Variants in WWOX observed in about 807,000 individuals in gnomAD.
WWOX encodes the protein WW domain-containing oxidoreductase.
WWOX carries 69 observed loss-of-function variants against 46.2 expected under a neutral mutation model. The observed-to-expected ratio is 1.49, with a 90% CI of 1.23 to 1.82. The LOEUF (loss-of-function observed/expected upper bound fraction) is 1.82, where lower values mean the gene tolerates loss of function less well. Ranked by LOEUF, WWOX falls within the 40% of genes most tolerant of loss-of-function variation. The pLI, the probability that WWOX is intolerant of heterozygous loss-of-function variation, is 0.00. For synonymous variants in WWOX, 359 were observed against 202.6 expected (o/e 1.77, Z -6.56); for missense variants, 919 against 542.6 (o/e 1.69, Z -6.89).
At position 78,556,711 on chromosome 16, in the gene WWOX, T is replaced by C. The variant is rs933644291; in HGVS notation, c.1056+123959T>C. On this transcript the variant is annotated intron_variant, in intron 8 of 8. Transcript: ENST00000566780. ...CCCTGAGACCGGCAAACACATTTTT[T>C]ATTTATTTTATTTTTATTTTTCGAG... 2.0e-5 allele frequency among the ~76,000 whole-genome samples: 3 copies of C among 152,088 alleles called. 1 individual carries two copies. The highest frequency in any genetic ancestry group is 6.3e-3 in the Middle Eastern group (2 of 316).
chr16:78,557,350 G>A (rs768040738), intron 8 of WWOX, among the ~76,000 whole-genome samples: 4 of 151,970 alleles, frequency 2.6e-5, no homozygotes, highest in Non-Finnish European at 4.4e-5. Flanking sequence ...TTATTTCTCC[G>A]CCCCCCGCAC....
chr16:78,602,978 G>A (rs1363459073), intron 8 of WWOX, among the ~76,000 whole-genome samples: 4 of 152,156 alleles, frequency 2.6e-5, no homozygotes, highest in East Asian at 1.9e-4. Flanking sequence ...ACCATTCTGC[G>A]TTCTTAGATT....
At chr16:78,401,493 G>A (rs1011647197) in intron 6 of WWOX, among the ~76,000 whole-genome samples, 2 of 152,090 alleles carry the variant, frequency 1.3e-5, no homozygotes, top group Non-Finnish European at 2.9e-5. Flanking sequence ...GAAACTCGCT[G>A]TATCTTGTAA....
intron 8 of WWOX, among the ~76,000 whole-genome samples, chr16:78,838,154 C>T (rs2052042006): frequency 6.6e-6 from 1 of 152,070 alleles, no homozygotes; most frequent in Admixed American, 6.5e-5. Flanking sequence ...GCTGCATGCA[C>T]ATTGGAAGGT....
intron 8 of WWOX, among the ~76,000 whole-genome samples, chr16:78,830,455 C>G (rs970249157): frequency 7.2e-5 from 11 of 151,950 alleles, no homozygotes; most frequent in African/African-American, 2.4e-4. Flanking sequence ...GTGGTAGTAC[C>G]TATCTGACTA....
intron 8 of WWOX, chr16:79,106,016 T>A (rs2049301271): frequency 6.6e-6 from 1 of 152,236 alleles, no homozygotes; most frequent in Non-Finnish European, 1.5e-5. Context: ...TACATCATTT[T>A]CAGTGATACC....
At chr16:79,178,185 GT>G (rs1567600649) in intron 8 of WWOX, among the ~76,000 whole-genome samples, 1 of 152,158 alleles carries the variant, frequency 6.6e-6, no homozygotes, top group Non-Finnish European at 1.5e-5. Context: ...CACTATCATA[GT>G]GCAAAACAAC....
intron 8 of WWOX, among the ~76,000 whole-genome samples, chr16:78,831,871 T>C (rs773022168): frequency 3.3e-5 from 5 of 152,290 alleles, no homozygotes; most frequent in African/African-American, 1.2e-4. Flanking sequence ...GAAAACATCC[T>C]TGGCAGGTTC....
intron 8 of WWOX, among the ~76,000 whole-genome samples, chr16:78,547,291 A>T (rs970902069): frequency 5.9e-5 from 9 of 152,186 alleles, no homozygotes; most frequent in African/African-American, 2.2e-4. Flanking sequence ...TCAAATTAAT[A>T]CAATTCTACT....
At chr16:78,305,380 C>T (rs962965775) in intron 5 of WWOX, among the ~76,000 whole-genome samples, 1 of 152,084 alleles carries the variant, frequency 6.6e-6, no homozygotes, top group Non-Finnish European at 1.5e-5. Flanking sequence ...GAGGAAAAAG[C>T]CATGTAACCT....
At chr16:78,560,308 T>C (rs1200155864) in intron 8 of WWOX, among the ~76,000 whole-genome samples, 1 of 152,190 alleles carries the variant, frequency 6.6e-6, no homozygotes, top group Non-Finnish European at 1.5e-5. Flanking sequence ...TAGCTGCTGG[T>C]CTGTATTTAC....
At chr16:78,524,121 CTT>C (rs2043406602) in intron 8 of WWOX, among the ~76,000 whole-genome samples, 1 of 152,116 alleles carries the variant, frequency 6.6e-6, no homozygotes. Flanking sequence ...GCAAACATCA[CTT>C]TGTAATTCTC....
At chr16:78,329,731 T>C (rs1268478721) in intron 5 of WWOX, among the ~76,000 whole-genome samples, 1 of 151,960 alleles carries the variant, frequency 6.6e-6, no homozygotes, top group African/African-American at 2.4e-5. Context: ...TTATGTTTGA[T>C]GGTTTTTTCT....
chr16:78,760,036 T>C (rs2142484737), intron 8 of WWOX, among the ~76,000 whole-genome samples: 1 of 152,292 alleles, frequency 6.6e-6, no homozygotes, highest in East Asian at 1.9e-4. Flanking sequence ...TATTTGTCTG[T>C]GTTCACACTA....
intron 8 of WWOX, among the ~76,000 whole-genome samples, chr16:78,765,749 G>C (rs1460908530): frequency 6.6e-6 from 1 of 152,174 alleles, no homozygotes; most frequent in African/African-American, 2.4e-5. Flanking sequence ...GTGCCGAGGA[G>C]GGACTGGCAT....
chr16:78,403,856 G>T (rs553381175), intron 6 of WWOX, among the ~76,000 whole-genome samples: 1 of 152,210 alleles, frequency 6.6e-6, no homozygotes, highest in African/African-American at 2.4e-5. Context: ...AGCCATGGAT[G>T]TGTTTGAAGG....
chr16:78,932,901 C>G (rs1245360998), intron 8 of WWOX, among the ~76,000 whole-genome samples: 1 of 152,202 alleles, frequency 6.6e-6, no homozygotes, highest in East Asian at 1.9e-4. Context: ...TCCATAAAGT[C>G]ACTTAGGAGG....
At chr16:78,227,270 C>T (rs1228941352) in intron 5 of WWOX, among the ~76,000 whole-genome samples, 1 of 152,184 alleles carries the variant, frequency 6.6e-6, no homozygotes, top group Non-Finnish European at 1.5e-5. Flanking sequence ...ATAAGAATGA[C>T]TTTTCACATA....
At chr16:78,769,469 T>A (rs2050009786) in intron 8 of WWOX, among the ~76,000 whole-genome samples, 1 of 152,172 alleles carries the variant, frequency 6.6e-6, no homozygotes, top group Non-Finnish European at 1.5e-5. Flanking sequence ...GCTTGCATTC[T>A]GTGACAGATG....
Sources: gnomAD v4.1 joint callset for allele counts (sites outside exome capture counted in the v4.1 genomes callset) on GRCh38, gnomAD v4.1.1 for gene constraint, MANE v1.5 for transcripts, NCBI Gene and HGNC (gene_info 2026-07-23, HGNC 2026-07-21) for gene names.